Variants in NRAP observed in about 807,000 individuals in gnomAD.
The protein encoded by NRAP is nebulin-related-anchoring protein.
In NRAP, 189 loss-of-function variants were observed where a neutral mutation model predicts 225.9. That is an observed-to-expected ratio of 0.84 (90% confidence interval 0.74 to 0.94). The LOEUF is 0.94. Among genes scored for constraint, NRAP ranks in the 40% least tolerant of loss-of-function variants. The pLI is 0.00. For synonymous variants in NRAP, 769 were observed against 790.7 expected, an observed-to-expected ratio of 0.97 and a Z score of 0.46; for missense variants, 2,176 against 2,168.7, an observed-to-expected ratio of 1.00 and a Z score of -0.07.
chr10:113,599,806 C>T (rs546311194), intron 35 of NRAP, among the ~76,000 whole-genome samples: 3 of 150,000 alleles, frequency 2.0e-5, no homozygotes, highest in East Asian at 2.0e-4. Flanking sequence ...TAATGAGAGA[C>T]CTTTCAAAGC....
chr10:113,655,532 T>C (rs1025329915), intron 4 of NRAP, among the ~76,000 whole-genome samples: 23 of 151,634 alleles, frequency 1.5e-4, no homozygotes, highest in Non-Finnish European at 2.7e-4. Flanking sequence ...CTCAGCTCAC[T>C]GCAACCTCCG....
chr10:113,663,407 T>A lies in NRAP; in HGVS notation c.112A>T (p.Met38Leu). 6.2e-7 allele frequency: 1 copy of A among 1,613,310 alleles called. No individual in the cohort carries two copies. Among genetic ancestry groups the A allele is most frequent in the Non-Finnish European group, 8.5e-7 (1 of 1,179,226 alleles). Residue 38 changes from methionine (M) to leucine (L), a missense_variant, in exon 2 of 42, where the codon ATG becomes TTG. Physicochemically the swap from Met to Leu is conservative, Grantham distance 15. Around this residue, in one of 3 missense-constraint regions of NRAP, gnomAD observed 1,708 missense variants for 1,695.5 expected, o/e 1.01. Transcript: ENST00000359988. ...KACFHCEVCKMMLSVNNFVSH... is the reference protein window; with the variant it reads ...KACFHCEVCKLMLSVNNFVSH... ...ACAAAGTTATTAACAGACAGCATCA[T>A]CTTGCAAACTTCACAGTGAAAACAG...
intron 18 of NRAP, among the ~76,000 whole-genome samples, chr10:113,630,325 A>G (rs1379226639): frequency 6.6e-6 from 1 of 152,182 alleles, no homozygotes; most frequent in African/African-American, 2.4e-5. Context: ...GGTGGTGATG[A>G]TGATGATAGT....
chr10:113,646,587 T>C (rs759855899), intron 10 of NRAP, among the ~76,000 whole-genome samples: 8 of 152,174 alleles, frequency 5.3e-5, no homozygotes, highest in Admixed American at 2.6e-4. Flanking sequence ...AATTTGATAA[T>C]CATATGACTT....
intron 31 of NRAP, among the ~76,000 whole-genome samples, 174 bp downstream of exon 31, chr10:113,610,285 G>A (rs1259545252): frequency 1.3e-5 from 2 of 151,246 alleles, no homozygotes; most frequent in Non-Finnish European, 2.9e-5. Context: ...AGGAGACGGA[G>A]GTTGCAGTGA....
At chr10:113,592,422 G>C (rs2133825191) in intron 38 of NRAP, 121 bp from the exon 39 acceptor site, 2 of 566,446 alleles carry the variant, frequency 3.5e-6, no homozygotes, top group East Asian at 3.1e-5. Flanking sequence ...ACAGCCTATA[G>C]CTCCATGTCC....
chr10:113,654,772 A>G (rs556079428), intron 4 of NRAP, among the ~76,000 whole-genome samples: 2 of 152,320 alleles, frequency 1.3e-5, no homozygotes, highest in East Asian at 1.9e-4. Context: ...AACGAATGGC[A>G]TCCACTTTAG....
Position 113,588,779 on chromosome 10 carries a change from G to T in NRAP, c.*196C>A, listed in dbSNP as rs758539777. 1.0e-5 allele frequency: 6 copies of T among 585,210 alleles called. No individual in the cohort carries two copies. The highest frequency in any genetic ancestry group is 1.8e-5 in the Non-Finnish European group (6 of 330,376). 36.3% of individuals were successfully genotyped at this position (585,210 alleles called of 1,614,324 possible). ...ACACTCGAGGCACTCAACAGAATCA[G>T]CCATCCACGTCTAGGTATCAGAGAG... On this transcript the variant is annotated 3_prime_UTR_variant, in exon 42 of 42. Coordinates refer to ENST00000359988, the MANE Select transcript of NRAP (RefSeq NM_198060.4).
chr10:113,640,232 T>G lies in NRAP; in HGVS notation c.1423A>C (p.Lys475Gln). The G allele has an allele frequency of 6.3e-7, 1 of 1,588,114 alleles. No individual in the cohort carries two copies. Among genetic ancestry groups the G allele is most frequent in the East Asian group, 2.3e-5 (1 of 43,956 alleles). ...GCTGTTGGAAAAGAACTTACATCTTTCAAGGGCACCAGTTTCATAGCTGTT... is the reference window on the plus strand; with the variant it reads ...GCTGTTGGAAAAGAACTTACATCTTGCAAGGGCACCAGTTTCATAGCTGTT... Reference protein sequence around the residue: ...YQTAMKLVPLKDANYRQSIDK... With the variant: ...YQTAMKLVPLQDANYRQSIDK... Residue 475 changes from lysine (K) to glutamine (Q), a missense_variant, in exon 14 of 42, where the codon AAA (lysine) becomes CAA (glutamine). Transcript: ENST00000359988.
At chr10:113,601,702 T>A (rs1327091134) in intron 35 of NRAP, among the ~76,000 whole-genome samples, 1 of 152,216 alleles carries the variant, frequency 6.6e-6, no homozygotes, top group Admixed American at 6.5e-5. Context: ...AAATGTCCTT[T>A]CTTTTCAGAA....
At chr10:113,662,430 C>A (rs561287982) in intron 3 of NRAP, among the ~76,000 whole-genome samples, 2 of 152,180 alleles carry the variant, frequency 1.3e-5, no homozygotes, top group Non-Finnish European at 2.9e-5. Context: ...TAGGACATTA[C>A]AACATGTTCC....
intron 12 of NRAP, 144 bp from the exon 13 acceptor site, chr10:113,641,616 A>G: frequency 5.2e-6 from 3 of 573,906 alleles, no homozygotes; most frequent in Non-Finnish European, 6.1e-6. Context: ...AGAATAAAAA[A>G]TAAGGCAAAC....
chr10:113,607,766 G>T (rs192251659), intron 32 of NRAP, among the ~76,000 whole-genome samples: 1 of 152,282 alleles, frequency 6.6e-6, no homozygotes, highest in Admixed American at 6.5e-5. Context: ...GTAATTCTCT[G>T]CCAAGCTCAC....
chr10:113,605,210 T>C (rs1846880016), intron 34 of NRAP, among the ~76,000 whole-genome samples: 1 of 152,248 alleles, frequency 6.6e-6, no homozygotes, highest in South Asian at 2.1e-4. Flanking sequence ...TTGTGCTTTA[T>C]CCGTTCGCAC....
intron 14 of NRAP, among the ~76,000 whole-genome samples, chr10:113,637,922 CAA>C (rs11312314): frequency 1.7e-3 from 250 of 146,654 alleles, no homozygotes; most frequent in Admixed American, 1.8e-3. Context: ...AACTCTGTCT[CAA>C]AAAAAAAAAA....
chr10:113,619,328 G>A (rs768192174), intron 25 of NRAP, among the ~76,000 whole-genome samples: 32 of 152,100 alleles, frequency 2.1e-4, no homozygotes, highest in Admixed American at 3.9e-4. Context: ...GTTTATTCCT[G>A]TGAGTTCTTC....
At chr10:113,658,497 A>AAAGG (rs1456104944) in intron 3 of NRAP, among the ~76,000 whole-genome samples, 1 of 152,208 alleles carries the variant, frequency 6.6e-6, no homozygotes, top group Non-Finnish European at 1.5e-5. Context: ...TTAAATGTAA[A>AAAGG]AAGGACTAAT....
At chr10:113,640,407 A>C in intron 13 of NRAP, 76 bp from the exon 14 acceptor site, 1 of 809,332 alleles carries the variant, frequency 1.2e-6, no homozygotes, top group Non-Finnish European at 2.0e-6. Context: ...ATGCCATAAG[A>C]AATATTTTTT....
At chr10:113,603,094 C>T (rs1051052663) in intron 35 of NRAP, among the ~76,000 whole-genome samples, 3 of 152,198 alleles carry the variant, frequency 2.0e-5, no homozygotes, top group African/African-American at 4.8e-5. Context: ...GCACCTTCTT[C>T]CTAGGGATGC....
Sources: allele counts gnomAD v4.1 joint callset (sites outside exome capture counted in the v4.1 genomes callset), GRCh38; gene constraint gnomAD v4.1.1; regional missense constraint gnomAD v4.1.1; transcripts MANE v1.5; gene names NCBI Gene and HGNC (gene_info 2026-07-23, HGNC 2026-07-21).